Variants in P4HA3 observed in about 807,000 individuals in gnomAD.
P4HA3 encodes the protein prolyl 4-hydroxylase subunit alpha 3, also known as prolyl 4-hydroxylase subunit alpha-3.
A neutral mutation model predicts 66.7 loss-of-function variants in P4HA3; 60 were observed. The observed-to-expected ratio is 0.90, with a 90% CI of 0.73 to 1.12. The LOEUF (loss-of-function observed/expected upper bound fraction) is 1.12. P4HA3 is among the 50% of genes most tolerant of loss of function. The pLI is 0.00. For synonymous variants in P4HA3, 263 were observed against 274.6 expected (o/e 0.96, Z 0.42); for missense variants, 683 against 685.8 (o/e 1.00, Z 0.05).
intron 15 of P4HA3, chr11:74,255,991 T>G: frequency 2.0e-6 from 1 of 504,880 alleles, no homozygotes; most frequent in Non-Finnish European, 4.0e-6. Context: ...TCACTTGGTT[T>G]TCAGGGGCAC....
chr11:74,281,152 T>C (rs982542647), intron 7 of P4HA3, among the ~76,000 whole-genome samples: 2 of 152,080 alleles, frequency 1.3e-5, no homozygotes, highest in African/African-American at 4.8e-5. Context: ...ATCAGAGAAA[T>C]GCAAATCAAA....
Position 74,279,459 on chromosome 11 carries a change from G to A in P4HA3, c.1111-7C>T, listed in dbSNP as rs138158666. On this transcript the variant is annotated splice_polypyrimidine_tract_variant and splice_region_variant and intron_variant, in intron 7 of 12. Transcript: ENST00000331597. ...CCACCACTGACCTCTGTAGCTGGTG[G>A]GAAGAATGTAAGACAAAGTCCAAGT... 246 of 1,613,772 alleles carry A rather than the reference G, an allele frequency of 1.5e-4. 1 individual carries two copies. The African/African-American group carries it at 3.0e-3, about 20-fold the overall frequency.
At chr11:74,299,855 T>C (rs1361297699) in intron 3 of P4HA3, among the ~76,000 whole-genome samples, 2 of 152,078 alleles carry the variant, frequency 1.3e-5, no homozygotes, top group African/African-American at 4.8e-5. Context: ...TGAGCCATCC[T>C]TAGACCTGCC....
chr11:74,257,867 T>C (rs1042326280), intron 15 of P4HA3, among the ~76,000 whole-genome samples: 2 of 151,962 alleles, frequency 1.3e-5, no homozygotes, highest in African/African-American at 4.8e-5. Context: ...GTCTCATTAT[T>C]TTGGAGGTGG....
intron 1 of P4HA3, among the ~76,000 whole-genome samples, chr11:74,308,704 C>A (rs1246601566): frequency 6.6e-6 from 1 of 152,094 alleles, no homozygotes; most frequent in Non-Finnish European, 1.5e-5. Context: ...TAGGCTGTCA[C>A]AATCCTAGTT....
intron 15 of P4HA3, chr11:74,253,693 G>C: frequency 1.5e-6 from 1 of 686,474 alleles, no homozygotes; most frequent in Non-Finnish European, 2.5e-6. Flanking sequence ...TGTTTTCCAG[G>C]GCCCTTGACC....
intron 3 of P4HA3, among the ~76,000 whole-genome samples, chr11:74,300,086 G>T (rs141575099): frequency 3.3e-5 from 5 of 152,108 alleles, no homozygotes; most frequent in Non-Finnish European, 1.5e-5. Context: ...ATATGGTCAA[G>T]GAACTCCTAT....
intron 15 of P4HA3, among the ~76,000 whole-genome samples, chr11:74,259,043 C>T (rs990270163): frequency 2.6e-5 from 4 of 152,110 alleles, no homozygotes; most frequent in African/African-American, 9.7e-5. Flanking sequence ...TAGTGGAAGC[C>T]GGTGTGCCCC....
At chr11:74,274,944 C>T (rs117312928) in intron 9 of P4HA3, among the ~76,000 whole-genome samples, 1,664 of 152,198 alleles carry the variant, frequency 0.011, 19 homozygotes, top group Non-Finnish European at 0.016. Flanking sequence ...TGTTGAGCAT[C>T]TTTCCATATG....
At chr11:74,280,490 T>C (rs75741457) in intron 7 of P4HA3, among the ~76,000 whole-genome samples, 6,048 of 152,170 alleles carry the variant, frequency 0.04, 126 homozygotes, top group Middle Eastern at 0.11. Context: ...TGTCTCCTAA[T>C]TGCAAAATCC....
rs1250963129 is a variant in P4HA3, at chr11:74,298,259, C to T, written c.670G>A (p.Ala224Thr). Residue 224 changes from alanine (A) to threonine (T), a missense_variant, in exon 4 of 13, where the codon GCA becomes ACA. Physicochemically the swap from Ala to Thr is moderately conservative, Grantham distance 58. Coordinates refer to ENST00000331597, the MANE Select transcript of P4HA3 (RefSeq NM_182904.5). Reference protein sequence around the residue: ...SYGEWKTEDEASLEDALDHLA... With the variant: ...SYGEWKTEDETSLEDALDHLA... ...TGATCCAAGGCATCTTCTAGACTTGCCTCATCCTCTGTCTTCCACTCTCCG... is the reference window on the plus strand; with the variant it reads ...TGATCCAAGGCATCTTCTAGACTTGTCTCATCCTCTGTCTTCCACTCTCCG... 6 of 1,614,004 alleles carry T rather than the reference C, an allele frequency of 3.7e-6. No homozygotes were observed. The Admixed American group carries it at 5.0e-5, about 13-fold the overall frequency.
At chr11:74,271,895 C>T (rs779613684) in intron 10 of P4HA3, among the ~76,000 whole-genome samples, 7 of 152,134 alleles carry the variant, frequency 4.6e-5, no homozygotes, top group Non-Finnish European at 7.3e-5. Context: ...TACTGATTCC[C>T]CTTTATGATA....
chr11:74,253,472 C>T (rs1485860514), intron 15 of P4HA3: 1 of 1,602,072 alleles, frequency 6.2e-7, no homozygotes. Context: ...GTTTTTCCTT[C>T]TCTTTCTGTT....
intron 10 of P4HA3, among the ~76,000 whole-genome samples, chr11:74,271,005 G>A (rs187278415): frequency 6.6e-6 from 1 of 152,302 alleles, no homozygotes; most frequent in African/African-American, 2.4e-5. Flanking sequence ...TATTTTTTCA[G>A]CAGTTGCATC....
In P4HA3 at chr11:74,311,616, A is replaced by G; in HGVS notation, c.-5T>C. ...CAGCCGCGCCCCAGGACCCATAGCC[A>G]GCGCTCGCGAACTTCCCCTCAGACA... On this transcript the variant is annotated 5_prime_UTR_variant, in exon 1 of 13. Transcript: ENST00000331597. The G allele has an allele frequency of 2.0e-6, 3 of 1,494,982 alleles. No individual in the cohort carries two copies. Among genetic ancestry groups the G allele is most frequent in the Middle Eastern group, 4.8e-4 (2 of 4,134 alleles). The allele number at this position is 1,494,982 out of a possible 1,614,324, so 92.6% of individuals were successfully genotyped here.
intron 4 of P4HA3, among the ~76,000 whole-genome samples, chr11:74,296,809 C>T (rs1861227670): frequency 6.6e-6 from 1 of 152,144 alleles, no homozygotes; most frequent in African/African-American, 2.4e-5. Flanking sequence ...CATTTCCTTC[C>T]TCTATTAAAA....
rs548992653 is a variant in P4HA3, at chr11:74,278,086, G to A, written c.1176-942C>T. Among the ~76,000 whole-genome samples the A allele has an allele frequency of 6.6e-5, 10 of 152,324 alleles. No homozygotes were observed. The East Asian group carries it at 1.7e-3, about 26-fold the overall frequency. On this transcript the variant is annotated intron_variant, in intron 8 of 12. Coordinates refer to ENST00000331597, the MANE Select transcript of P4HA3 (RefSeq NM_182904.5). The stretch of plus-strand genomic sequence containing the variant: ...ATAACTAAGAACAAAGTAAGGTACA[G>A]TGAAAAATTGAGAAACAGACTTTAA...
chr11:74,275,461 C>T (rs889742257), intron 9 of P4HA3, among the ~76,000 whole-genome samples: 1 of 152,106 alleles, frequency 6.6e-6, no homozygotes, highest in African/African-American at 2.4e-5. Flanking sequence ...TTCCTTGGCA[C>T]CTTTGTCAAA....
At chr11:74,261,427 A>G (rs760508806) in intron 14 of P4HA3, among the ~76,000 whole-genome samples, 1 of 152,186 alleles carries the variant, frequency 6.6e-6, no homozygotes, top group Non-Finnish European at 1.5e-5. Context: ...GAATGGGAAA[A>G]CAGGTTCTTA....
Sources: gnomAD v4.1 joint callset for allele counts (sites outside exome capture counted in the v4.1 genomes callset) on GRCh38, gnomAD v4.1.1 for gene constraint, MANE v1.5 for transcripts, NCBI Gene and HGNC (gene_info 2026-07-23, HGNC 2026-07-21) for gene names.